FAM107B: variants seen among roughly 807,000 people sequenced by gnomAD.
The protein encoded by FAM107B is protein FAM107B.
Under a neutral mutation model 31.5 loss-of-function variants are expected in FAM107B, and 21 were observed. The ratio of observed to expected loss-of-function variants is 0.67; its 90% CI spans 0.47 to 0.96. The LOEUF is 0.96. FAM107B is among the 40% of genes least tolerant of loss of function. The probability of loss-of-function intolerance (pLI) is 0.00; values close to 1 mark genes in which losing one functional copy is unlikely to be tolerated. For synonymous variants in FAM107B, 157 were observed against 141.5 expected (o/e 1.11, Z -0.78); for missense variants, 452 against 377.1 (o/e 1.20, Z -1.64).
intron 2 of FAM107B, among the ~76,000 whole-genome samples, chr10:14,576,713 C>T (rs1163001532): frequency 6.6e-6 from 1 of 152,222 alleles, no homozygotes; most frequent in East Asian, 1.9e-4. Flanking sequence ...CATCTTTGTA[C>T]TTTATTTTTT....
intron 1 of FAM107B, among the ~76,000 whole-genome samples, chr10:14,696,891 TC>T: frequency 6.6e-6 from 1 of 152,272 alleles, no homozygotes; most frequent in South Asian, 2.1e-4. Context: ...AGTGATTTGC[TC>T]CTTTAGCATC....
chr10:14,693,132 A>G (rs866288860), intron 1 of FAM107B, among the ~76,000 whole-genome samples: 1 of 152,202 alleles, frequency 6.6e-6, no homozygotes, highest in Non-Finnish European at 1.5e-5. Flanking sequence ...CTAACTTTCA[A>G]TTAGTCTACC....
At position 14,706,656 on chromosome 10, in the gene FAM107B, T is replaced by C. The variant is rs115090352; in HGVS notation, c.412-38965A>G. Among the ~76,000 whole-genome samples, 968 of 152,340 alleles carry C rather than the reference T, an allele frequency of 6.4e-3. 10 individuals carry two copies. The highest frequency in any genetic ancestry group is 0.019 in the African/African-American group (797 of 41,584). On this transcript the variant is annotated intron_variant, in intron 1 of 4. Coordinates refer to ENST00000181796, the MANE Select transcript of FAM107B (RefSeq NM_031453.4). ...GAATATGTATGACTATTGTGTAATA[T>C]AGACATTGTAAGGCATAAAATCCAA... is the stretch of plus-strand genomic sequence containing the variant.
At chr10:14,528,526 AGAT>A (rs1554825557) in intron 3 of FAM107B, among the ~76,000 whole-genome samples, 3 of 152,190 alleles carry the variant, frequency 2.0e-5, no homozygotes, top group Non-Finnish European at 4.4e-5. Flanking sequence ...CCCACTTTAT[AGAT>A]GAAGAAACAG....
At chr10:14,620,696 C>G (rs60954173) in intron 2 of FAM107B, among the ~76,000 whole-genome samples, 1 of 151,834 alleles carries the variant, frequency 6.6e-6, no homozygotes, top group Non-Finnish European at 1.5e-5. Flanking sequence ...GCCATCCCCC[C>G]ACAGGCCCTG....
intron 2 of FAM107B, among the ~76,000 whole-genome samples, chr10:14,625,484 G>C (rs1217059350): frequency 1.3e-5 from 2 of 152,128 alleles, no homozygotes; most frequent in Non-Finnish European, 2.9e-5. Context: ...GGGCCTGACA[G>C]CCATGAGTAC....
At chr10:14,692,119 C>T (rs1308874661) in intron 1 of FAM107B, among the ~76,000 whole-genome samples, 1 of 152,206 alleles carries the variant, frequency 6.6e-6, no homozygotes, top group East Asian at 1.9e-4. Flanking sequence ...TCCATCCACA[C>T]AGTAAGAACC....
intron 1 of FAM107B, among the ~76,000 whole-genome samples, chr10:14,700,470 G>C (rs192380501): frequency 2.0e-5 from 3 of 152,120 alleles, no homozygotes. Flanking sequence ...TTCAGTGCTC[G>C]CATCGAATTT....
At chr10:14,735,727 G>C (rs545560504) in intron 1 of FAM107B, among the ~76,000 whole-genome samples, 2 of 152,212 alleles carry the variant, frequency 1.3e-5, no homozygotes, top group East Asian at 3.9e-4. Context: ...AGTCCTCTCT[G>C]AGCCAGGGCA....
chr10:14,766,657 G>C (rs1833167790), intron 1 of FAM107B, among the ~76,000 whole-genome samples: 1 of 151,922 alleles, frequency 6.6e-6, no homozygotes, highest in African/African-American at 2.4e-5. Flanking sequence ...GATCAAATGA[G>C]CTAGTACTCA....
intron 2 of FAM107B, among the ~76,000 whole-genome samples, chr10:14,545,895 G>T (rs1163695586): frequency 6.6e-6 from 1 of 152,196 alleles, no homozygotes; most frequent in Non-Finnish European, 1.5e-5. Flanking sequence ...ACTACAAAGA[G>T]GATGGACTGA....
intron 2 of FAM107B, chr10:14,548,794 AT>A (rs1848962688): frequency 4.4e-6 from 1 of 227,102 alleles, no homozygotes; most frequent in South Asian, 1.6e-4. Context: ...CAGGTGGACA[AT>A]CAACCCTCCT....
chr10:14,552,003 T>C (rs1232959758), intron 2 of FAM107B, among the ~76,000 whole-genome samples: 2 of 152,212 alleles, frequency 1.3e-5, no homozygotes, highest in African/African-American at 4.8e-5. Flanking sequence ...CTGTGACATA[T>C]GGTGTAGTTC....
At chr10:14,572,913 T>A (rs553932849) in intron 2 of FAM107B, among the ~76,000 whole-genome samples, 1 of 151,642 alleles carries the variant, frequency 6.6e-6, no homozygotes, top group Non-Finnish European at 1.5e-5. Context: ...GATCCTCCCC[T>A]CTAAAACAAG....
chr10:14,709,376 G>A (rs758132998), intron 1 of FAM107B, among the ~76,000 whole-genome samples: 1 of 152,200 alleles, frequency 6.6e-6, no homozygotes, highest in Non-Finnish European at 1.5e-5. Context: ...ACGTGGCTGG[G>A]CAAGCCTCAC....
intron 2 of FAM107B, among the ~76,000 whole-genome samples, chr10:14,583,785 G>A (rs765812061): frequency 1.8e-4 from 28 of 152,096 alleles, no homozygotes; most frequent in Non-Finnish European, 3.5e-4. Flanking sequence ...CCACAAGTTC[G>A]TCCATTCACC....
intron 1 of FAM107B, among the ~76,000 whole-genome samples, chr10:14,736,204 C>T (rs183681005): frequency 1.3e-5 from 2 of 152,226 alleles, no homozygotes; most frequent in Admixed American, 6.5e-5. Context: ...GAGAGATCTC[C>T]AGTTTGTTCT....
At chr10:14,659,461 A>G (rs1469653307) in intron 2 of FAM107B, among the ~76,000 whole-genome samples, 2 of 151,940 alleles carry the variant, frequency 1.3e-5, no homozygotes, top group Admixed American at 6.6e-5. Context: ...AAAACAAAAC[A>G]AAACAAGCAA....
At position 14,569,803 on chromosome 10, in the gene FAM107B, C is replaced by A. The variant is rs368422591; in HGVS notation, c.470-39288G>T. Among the ~76,000 whole-genome samples, 26 of 152,344 alleles carry A rather than the reference C, an allele frequency of 1.7e-4. No homozygotes were observed. In the East Asian group the frequency reaches 2.9e-3, roughly 17 times the overall value. On this transcript the variant is annotated intron_variant, in intron 2 of 4. Transcript: ENST00000181796. The stretch of plus-strand genomic sequence containing the variant: ...CAATGCAAGGCCGTGCTTCCCCAAA[C>A]AAGATCTGGGACTCTCGCGCCTACT...
Sources: allele counts gnomAD v4.1 joint callset (sites outside exome capture counted in the v4.1 genomes callset), GRCh38; gene constraint gnomAD v4.1.1; transcripts MANE v1.5; gene names NCBI Gene and HGNC (gene_info 2026-07-23, HGNC 2026-07-21).